USP53: variants seen among roughly 807,000 people sequenced by gnomAD.
USP53 encodes the protein ubiquitin carboxyl-terminal hydrolase 53.
USP53 carries 71 observed loss-of-function variants against 94.9 expected under a neutral mutation model. The observed-to-expected ratio is 0.75, with a 90% CI of 0.62 to 0.91. The LOEUF is 0.91. Ranked by LOEUF, USP53 falls within the 40% of genes least tolerant of loss-of-function variation. The pLI is 0.00. For missense variants in USP53, 1,173 were observed against 1,281.0 expected (o/e 0.92, Z 1.29); for synonymous variants, 375 against 422.7 (o/e 0.89, Z 1.39).
intron 17 of USP53, among the ~76,000 whole-genome samples, chr4:119,285,267 A>T (rs1003120347): frequency 6.6e-6 from 1 of 151,826 alleles, no homozygotes; most frequent in Non-Finnish European, 1.5e-5. Flanking sequence ...AGAACAGCTG[A>T]AGTGTTTATA....
At chr4:119,269,103 T>TTTA (rs1367649636) in intron 14 of USP53, among the ~76,000 whole-genome samples, 2 of 152,214 alleles carry the variant, frequency 1.3e-5, no homozygotes, top group African/African-American at 4.8e-5. Context: ...AAATAAAGGC[T>TTTA]TTTTAAAAAT....
chr4:119,240,423 T>G (rs1747364826), intron 5 of USP53, among the ~76,000 whole-genome samples: 1 of 152,030 alleles, frequency 6.6e-6, no homozygotes. Context: ...GCCTCAATCC[T>G]TGTTGAAAAT....
Position 119,268,253 on chromosome 4 carries a change from G to T in USP53, c.1136-15G>T, listed in dbSNP as rs1203936652. On this transcript the variant is annotated splice_polypyrimidine_tract_variant and intron_variant, in intron 13 of 18. Transcript: ENST00000692078. ...GGAAGGAAAGGAATGATACATTTTTGCTTCTCTTTTTAAGGATGTGAAAAG... is the reference window on the plus strand; with the variant it reads ...GGAAGGAAAGGAATGATACATTTTTTCTTCTCTTTTTAAGGATGTGAAAAG... The T allele has an allele frequency of 7.6e-6, 12 of 1,573,380 alleles. No homozygotes were observed. The highest frequency in any genetic ancestry group is 5.6e-5 in the Admixed American group (3 of 53,188).
At chr4:119,284,222 C>G (rs567897468) in intron 17 of USP53, among the ~76,000 whole-genome samples, 1 of 150,036 alleles carries the variant, frequency 6.7e-6, no homozygotes, top group South Asian at 2.1e-4. Context: ...GACATAGACG[C>G]AAGATTGAAG....
chr4:119,213,822 A>G (rs1743308853), intron 1 of USP53, among the ~76,000 whole-genome samples: 1 of 151,676 alleles, frequency 6.6e-6, no homozygotes, highest in East Asian at 1.9e-4. Context: ...GTGAGCCGAG[A>G]TCGCGCCACT....
chr4:119,291,858 T>C (rs1356832583), intron 18 of USP53, among the ~76,000 whole-genome samples: 2 of 152,002 alleles, frequency 1.3e-5, no homozygotes, highest in Non-Finnish European at 2.9e-5. Context: ...AAATATAATA[T>C]AAATATATTT....
At chr4:119,283,791 T>C (rs190416333) in intron 17 of USP53, among the ~76,000 whole-genome samples, 9 of 152,028 alleles carry the variant, frequency 5.9e-5, no homozygotes, top group Non-Finnish European at 8.8e-5. Flanking sequence ...TTGTTGAGTT[T>C]ATCATCTAGG....
In USP53 at chr4:119,271,731, G is replaced by GT. The variant is rs1464308222; in HGVS notation, c.1875dup (p.Ser626Ter). ...AAGCCTAAATCTAGCAAGGATCCGAGTTTTAGTAATTGGCCAAAAGAGAAT... is the reference window on the plus strand; with the variant it reads ...AAGCCTAAATCTAGCAAGGATCCGAGTTTTTAGTAATTGGCCAAAAGAGAAT... On this transcript the variant is annotated frameshift_variant, in exon 16 of 19. Coordinates refer to ENST00000692078, the MANE Select transcript of USP53 (RefSeq NM_001371395.1). LOFTEE classifies it high-confidence loss of function. 2.5e-6 allele frequency: 4 copies of GT among 1,614,064 alleles called. No homozygotes were observed. In the Admixed American group the frequency reaches 6.7e-5, roughly 27 times the overall value.
intron 16 of USP53, chr4:119,272,295 G>A (rs1029529445): frequency 3.5e-6 from 1 of 288,708 alleles, no homozygotes; most frequent in East Asian, 7.0e-5. Context: ...TTTATTTTTA[G>A]AAAATTTGGA....
At chr4:119,291,294 T>C (rs999093625) in intron 18 of USP53, 33 bp downstream of exon 18, 1 of 1,405,198 alleles carries the variant, frequency 7.1e-7, no homozygotes, top group African/African-American at 1.5e-5. Context: ...AATACATGTA[T>C]TATAGGCACG....
At position 119,293,052 on chromosome 4, in the gene USP53, A is replaced by T. The variant is rs1416909303; in HGVS notation, c.3063A>T (p.Glu1021Asp). The T allele has an allele frequency of 6.2e-7, 1 of 1,613,922 alleles. No individual in the cohort carries two copies. Among genetic ancestry groups the T allele is most frequent in the Non-Finnish European group, 8.5e-7 (1 of 1,179,960 alleles). The change falls in exon 19 of 19, where the codon GAA becomes GAT. Residue 1021 changes from glutamate to aspartate, a missense_variant. Transcript: ENST00000692078. ...CCATTGATGCATTTTGCCAACCAGA[A>T]CTAGACTCTATTTCTACCTGTCCAA... is the stretch of plus-strand genomic sequence containing the variant. ...SGAIDAFCQPELDSISTCPNE... is the reference protein window; with the variant it reads ...SGAIDAFCQPDLDSISTCPNE...
intron 12 of USP53, chr4:119,266,477 G>A (rs1751140486): frequency 2.6e-6 from 1 of 384,648 alleles, no homozygotes; most frequent in Non-Finnish European, 5.1e-6. Flanking sequence ...TCTTTTTAAT[G>A]TTAGCCCTTC....
rs1371981904 is a variant in USP53 at position 119,241,307 on chromosome 4, A to G, written c.144+1404A>G. On this transcript the variant is annotated intron_variant, in intron 5 of 18. Transcript: ENST00000692078. The stretch of plus-strand genomic sequence containing the variant: ...AGACTGTTTACTTATACATATCTGC[A>G]TATTTGCCATTTCTGGTGCTCATCA... Among the ~76,000 whole-genome samples the G allele has an allele frequency of 3.9e-5, 6 of 152,246 alleles. No homozygotes were observed. The East Asian group carries it at 1.2e-3, about 29-fold the overall frequency.
chr4:119,252,319 T>A (rs7654590), intron 7 of USP53, among the ~76,000 whole-genome samples: 55,219 of 151,966 alleles, frequency 0.36, 10,171 homozygotes, highest in South Asian at 0.43. Flanking sequence ...TACCAGCTCC[T>A]CTTTGTACCT....
At chr4:119,256,214 C>A in intron 7 of USP53, 32 bp from the exon 8 acceptor site, 1 of 1,531,634 alleles carries the variant, frequency 6.5e-7, no homozygotes, top group Admixed American at 1.8e-5. Context: ...GCAAGATCAA[C>A]AACTCATTTA....
intron 12 of USP53, among the ~76,000 whole-genome samples, chr4:119,265,297 ATTAC>A (rs1304062918): frequency 1.3e-5 from 2 of 152,216 alleles, no homozygotes; most frequent in African/African-American, 2.4e-5. Flanking sequence ...CTTTGCTTGA[ATTAC>A]TTAGTACTTT....
At chr4:119,250,227 A>T (rs1407424367) in intron 7 of USP53, among the ~76,000 whole-genome samples, 3 of 152,088 alleles carry the variant, frequency 2.0e-5, no homozygotes, top group African/African-American at 7.2e-5. Context: ...GCCTTTGCTC[A>T]AGTTCCTGAA....
Position 119,241,347 on chromosome 4 carries a change from TC to T in USP53, c.144+1446del, listed in dbSNP as rs142727076. ...GGTGCTCATCACTTTTTTGCATAGA[TC>T]CACATTCCATCTGATATCCTTTTCT... On this transcript the variant is annotated intron_variant, in intron 5 of 18. Coordinates refer to ENST00000692078, the MANE Select transcript of USP53 (RefSeq NM_001371395.1). 5.9e-3 allele frequency among the ~76,000 whole-genome samples: 898 copies of T among 152,308 alleles called. 11 individuals carry two copies. The highest frequency in any genetic ancestry group is 0.021 in the African/African-American group (854 of 41,576).
chr4:119,224,738 A>C (rs1226120010), intron 3 of USP53, among the ~76,000 whole-genome samples: 1 of 152,222 alleles, frequency 6.6e-6, no homozygotes, highest in Admixed American at 6.5e-5. Flanking sequence ...GAGTACTTGA[A>C]AGTTGAACAA....
Sources: gnomAD v4.1 joint callset for allele counts (sites outside exome capture counted in the v4.1 genomes callset) on GRCh38, gnomAD v4.1.1 for gene constraint, MANE v1.5 for transcripts, NCBI Gene and HGNC (gene_info 2026-07-23, HGNC 2026-07-21) for gene names.